The following TAFA5 variants were observed in gnomAD, a reference collection of about 807,000 sequenced individuals.
TAFA5 encodes TAFA chemokine like family member 5, also known as chemokine-like protein TAFA-5.
TAFA5 carries 6 observed loss-of-function variants against 15.3 expected under a neutral mutation model. The observed-to-expected ratio is 0.39, with a 90% CI of 0.21 to 0.77. TAFA5 has a LOEUF of 0.77. Ranked by LOEUF, TAFA5 falls within the 30% of genes least tolerant of loss-of-function variation. The probability of loss-of-function intolerance (pLI) is 0.41; values close to 1 mark genes in which losing one functional copy is unlikely to be tolerated. For missense variants in TAFA5, 161 were observed against 193.1 expected (o/e 0.83, Z 0.98); for synonymous variants, 103 against 80.7 (o/e 1.28, Z -1.48).
At chr22:48,697,671 T>G (rs9617502) in intron 2 of TAFA5, among the ~76,000 whole-genome samples, 95,686 of 151,156 alleles carry the variant, frequency 0.63, 30,635 homozygotes, top group African/African-American at 0.73. Flanking sequence ...ATAGTGCTAA[T>G]GGTGATAATG....
At chr22:48,735,161 A>G (rs1481507632) in intron 3 of TAFA5, among the ~76,000 whole-genome samples, 1 of 152,194 alleles carries the variant, frequency 6.6e-6, no homozygotes, top group Non-Finnish European at 1.5e-5. Flanking sequence ...CGGAGGTGCT[A>G]AGTAACGTCC....
At chr22:48,528,101 C>G (rs531975478) in intron 1 of TAFA5, among the ~76,000 whole-genome samples, 1 of 152,230 alleles carries the variant, frequency 6.6e-6, no homozygotes, top group South Asian at 2.1e-4. Context: ...CTGTCCTCTC[C>G]TCCTCCACAG....
rs1482383721 is a variant in TAFA5 at position 48,598,549 on chromosome 22, G to T, written c.113-48048G>T. Among the ~76,000 whole-genome samples, 3 of 152,172 alleles carry T rather than the reference G, an allele frequency of 2.0e-5. No homozygotes were observed. The highest frequency in any genetic ancestry group is 2.0e-4 in the Admixed American group (3 of 15,280). On this transcript the variant is annotated intron_variant, in intron 1 of 3. Transcript: ENST00000402357. The surrounding 1 kb of genome is among the most constrained non-coding windows in gnomAD (Gnocchi z 4.0). ...AGCAGTGGCTGCATCTTAGGCAGTT[G>T]TGTGAGATGACCTCCATGTAGGCTG... is the stretch of plus-strand genomic sequence containing the variant.
intron 1 of TAFA5, among the ~76,000 whole-genome samples, chr22:48,631,566 G>T (rs1181935326): frequency 1.3e-5 from 2 of 152,228 alleles, no homozygotes; most frequent in Admixed American, 1.3e-4. Context: ...TTGGACCAGA[G>T]CCCCTGCTGC....
intron 1 of TAFA5, among the ~76,000 whole-genome samples, chr22:48,591,436 CT>C (rs1250315374): frequency 6.6e-6 from 1 of 152,262 alleles, no homozygotes; most frequent in African/African-American, 2.4e-5. Flanking sequence ...ACCCCCAGGG[CT>C]TGCGATGCCT....
At chr22:48,577,642 A>G (rs1923865423) in intron 1 of TAFA5, among the ~76,000 whole-genome samples, 1 of 152,202 alleles carries the variant, frequency 6.6e-6, no homozygotes, top group Admixed American at 6.5e-5. Flanking sequence ...TGACTAATTA[A>G]TGAGCCGCCG....
chr22:48,706,935 G>T (rs756701701), intron 2 of TAFA5, among the ~76,000 whole-genome samples: 19 of 152,246 alleles, frequency 1.2e-4, no homozygotes, highest in Non-Finnish European at 2.6e-4. Flanking sequence ...ACAAAATAGG[G>T]TGGGCCTCCA....
intron 3 of TAFA5, among the ~76,000 whole-genome samples, chr22:48,711,587 G>A (rs190584030): frequency 5.3e-5 from 8 of 152,284 alleles, no homozygotes; most frequent in East Asian, 1.9e-4. Context: ...CCAGTTGTGC[G>A]ATTGCATCTG....
At chr22:48,674,565 C>T (rs377140195) in intron 2 of TAFA5, among the ~76,000 whole-genome samples, 10 of 152,110 alleles carry the variant, frequency 6.6e-5, no homozygotes, top group African/African-American at 1.7e-4. Flanking sequence ...TTTGTTTGGG[C>T]GTCGACATTG....
At chr22:48,569,834 A>G (rs1923524742) in intron 1 of TAFA5, among the ~76,000 whole-genome samples, 1 of 151,930 alleles carries the variant, frequency 6.6e-6, no homozygotes, top group African/African-American at 2.4e-5. Flanking sequence ...GTGCCCTCTC[A>G]CTGTTTCCCA....
chr22:48,585,352 C>T (rs918260920), intron 1 of TAFA5, among the ~76,000 whole-genome samples: 3 of 149,896 alleles, frequency 2.0e-5, no homozygotes, highest in Non-Finnish European at 4.5e-5. Context: ...AAATACACCA[C>T]ATACACATAC....
At chr22:48,536,871 C>T (rs1407576717) in intron 1 of TAFA5, among the ~76,000 whole-genome samples, 2 of 152,162 alleles carry the variant, frequency 1.3e-5, no homozygotes, top group African/African-American at 2.4e-5. Flanking sequence ...CCCACAGACC[C>T]GAGGCAGCCC....
intron 2 of TAFA5, among the ~76,000 whole-genome samples, chr22:48,652,132 C>T (rs951431090): frequency 3.3e-5 from 5 of 152,244 alleles, no homozygotes; most frequent in African/African-American, 7.2e-5. Context: ...GAGGCGCCAA[C>T]GGGGCCCCCA....
chr22:48,563,396 C>T (rs541548883), intron 1 of TAFA5, among the ~76,000 whole-genome samples: 17 of 152,324 alleles, frequency 1.1e-4, no homozygotes, highest in Middle Eastern at 3.4e-3. Context: ...TGTCTGGCCT[C>T]ACTCACCGGC....
At chr22:48,650,218 T>C (rs1398724202) in intron 2 of TAFA5, among the ~76,000 whole-genome samples, 1 of 152,204 alleles carries the variant, frequency 6.6e-6, no homozygotes. Flanking sequence ...GGGAGGCACT[T>C]GCTGCCCCTA....
chr22:48,722,394 A>G (rs1929595686), intron 3 of TAFA5, among the ~76,000 whole-genome samples: 1 of 152,242 alleles, frequency 6.6e-6, no homozygotes, highest in African/African-American at 2.4e-5. Context: ...GGATGAGTTA[A>G]TGTCCTTTGC....
At chr22:48,646,127 C>T (rs945990037) in intron 1 of TAFA5, among the ~76,000 whole-genome samples, 7 of 152,088 alleles carry the variant, frequency 4.6e-5, no homozygotes, top group Non-Finnish European at 7.4e-5. Flanking sequence ...CAAGCCTGAG[C>T]GGGGGTCTGA....
At chr22:48,604,859 GCTTGTTGCAGA>G (rs962470956) in intron 1 of TAFA5, among the ~76,000 whole-genome samples, 41 of 152,250 alleles carry the variant, frequency 2.7e-4, no homozygotes, top group African/African-American at 9.4e-4. Flanking sequence ...AGTTTTCTGG[GCTTGTTGCAGA>G]GTGCATTTTC....
chr22:48,745,140 C>A (rs1310206381), intron 3 of TAFA5, among the ~76,000 whole-genome samples: 1 of 152,252 alleles, frequency 6.6e-6, no homozygotes, highest in Non-Finnish European at 1.5e-5. Flanking sequence ...GTCTGCTACC[C>A]AGTCCTGGCT....
Sources: allele counts gnomAD v4.1 joint callset (sites outside exome capture counted in the v4.1 genomes callset), GRCh38; gene constraint gnomAD v4.1.1; non-coding constraint Gnocchi (gnomAD v3.1); transcripts MANE v1.5; gene names NCBI Gene and HGNC (gene_info 2026-07-23, HGNC 2026-07-21).